The following PRKG1 variants were observed in gnomAD, a reference collection of about 807,000 sequenced individuals.
The protein encoded by PRKG1 is protein kinase cGMP-dependent 1, also known as cGMP-dependent protein kinase 1.
Under a neutral mutation model 88.1 loss-of-function variants are expected in PRKG1, and 35 were observed. The observed-to-expected ratio is 0.40, with a 90% CI of 0.30 to 0.53. The LOEUF (loss-of-function observed/expected upper bound fraction) is 0.53. Ranked by LOEUF, PRKG1 falls within the 20% of genes least tolerant of loss-of-function variation. PRKG1 has a pLI of 0.59. For synonymous variants in PRKG1, 303 were observed against 292.5 expected (o/e 1.04, Z -0.37); for missense variants, 540 against 839.8 (o/e 0.64, Z 4.41).
intron 3 of PRKG1, among the ~76,000 whole-genome samples, chr10:51,566,945 A>C (rs1837621992): frequency 6.6e-6 from 1 of 151,806 alleles, no homozygotes; most frequent in African/African-American, 2.4e-5. Context: ...AAAGAGAGAG[A>C]GAGAAAGAAA....
chr10:52,139,695 C>T (rs1837523648), intron 8 of PRKG1, among the ~76,000 whole-genome samples: 1 of 152,116 alleles, frequency 6.6e-6, no homozygotes, highest in East Asian at 1.9e-4. Flanking sequence ...TTCTGATAAG[C>T]AACTTGGGAT....
intron 17 of PRKG1, among the ~76,000 whole-genome samples, chr10:52,293,185 C>T (rs530738270): frequency 1.3e-5 from 2 of 150,670 alleles, no homozygotes; most frequent in Admixed American, 6.6e-5. Context: ...AATAAAATAC[C>T]TAGGAATCCA....
chr10:50,995,053 C>T (rs565813741), intron 1 of PRKG1, among the ~76,000 whole-genome samples: 31 of 152,132 alleles, frequency 2.0e-4, no homozygotes, highest in Middle Eastern at 3.4e-3. Context: ...TGGAACCAAT[C>T]GCCCATGGAT....
intron 4 of PRKG1, among the ~76,000 whole-genome samples, chr10:51,835,518 T>C (rs574850855): frequency 6.6e-6 from 1 of 152,350 alleles, no homozygotes; most frequent in African/African-American, 2.4e-5. Context: ...ACACAACAAA[T>C]GTTTGCTGAA....
intron 5 of PRKG1, among the ~76,000 whole-genome samples, chr10:52,031,653 C>T (rs1358720546): frequency 6.6e-6 from 1 of 152,076 alleles, no homozygotes; most frequent in African/African-American, 2.4e-5. Context: ...TTTGGTTATG[C>T]GTTCTAAGCA....
intron 4 of PRKG1, among the ~76,000 whole-genome samples, chr10:51,842,295 G>A (rs1033133637): frequency 6.6e-6 from 1 of 152,218 alleles, no homozygotes; most frequent in Non-Finnish European, 1.5e-5. Context: ...AGGTAAAACA[G>A]TATGATACTA....
At chr10:51,596,237 A>G (rs10762239) in intron 3 of PRKG1, among the ~76,000 whole-genome samples, 44,776 of 152,162 alleles carry the variant, frequency 0.29, 8,275 homozygotes, top group East Asian at 0.87. Flanking sequence ...TACAAAGCAC[A>G]TCTGACATGA....
At chr10:51,153,041 A>G (rs1048792286) in intron 1 of PRKG1, 123 bp from the exon 2 acceptor site, 1 of 544,840 alleles carries the variant, frequency 1.8e-6, no homozygotes. Context: ...CCAGAAAATT[A>G]TTGGATTCCT....
At chr10:51,139,965 ACT>A (rs1299007111) in intron 1 of PRKG1, among the ~76,000 whole-genome samples, 1 of 152,016 alleles carries the variant, frequency 6.6e-6, no homozygotes, top group Non-Finnish European at 1.5e-5. Flanking sequence ...TCTAAAACAG[ACT>A]CTGCTTATGT....
intron 5 of PRKG1, among the ~76,000 whole-genome samples, chr10:51,941,005 G>A (rs1352730872): frequency 6.6e-6 from 1 of 151,870 alleles, no homozygotes; most frequent in African/African-American, 2.4e-5. Flanking sequence ...AATTCCATCT[G>A]TTCCCCTCTC....
intron 3 of PRKG1, chr10:51,698,745 G>GT (rs1189036339): frequency 6.2e-7 from 1 of 1,614,088 alleles, no homozygotes; most frequent in Admixed American, 1.7e-5. Context: ...ACTGCAGCTG[G>GT]TATTGGCCCT....
At chr10:51,709,935 CTT>C (rs1841702077) in intron 3 of PRKG1, among the ~76,000 whole-genome samples, 1 of 128,670 alleles carries the variant, frequency 7.8e-6, no homozygotes, top group African/African-American at 2.8e-5. Flanking sequence ...TTTGACAATG[CTT>C]TAGGATACTA....
chr10:52,204,649 C>T (rs1013159752), intron 9 of PRKG1, among the ~76,000 whole-genome samples: 2 of 152,138 alleles, frequency 1.3e-5, no homozygotes, highest in Admixed American at 6.5e-5. Flanking sequence ...TTTCCTATGC[C>T]GGTCTTTACT....
At chr10:51,965,454 A>G (rs1011743609) in intron 5 of PRKG1, among the ~76,000 whole-genome samples, 1 of 152,160 alleles carries the variant, frequency 6.6e-6, no homozygotes, top group Non-Finnish European at 1.5e-5. Flanking sequence ...TGTAAGATTT[A>G]ATTTTGAAAA....
chr10:51,628,317 C>T (rs1327705726), intron 3 of PRKG1, among the ~76,000 whole-genome samples: 1 of 151,314 alleles, frequency 6.6e-6, no homozygotes, highest in Non-Finnish European at 1.5e-5. Flanking sequence ...TGTGTGCCAC[C>T]ACAGCCAGCT....
At chr10:52,005,569 G>A (rs146558573) in intron 5 of PRKG1, among the ~76,000 whole-genome samples, 558 of 152,180 alleles carry the variant, frequency 3.7e-3, no homozygotes, top group Non-Finnish European at 5.0e-3. Flanking sequence ...GGCACAGCTC[G>A]CTGTTGTCCC....
chr10:51,491,408 T>C (rs984650224), intron 3 of PRKG1, among the ~76,000 whole-genome samples: 4 of 152,146 alleles, frequency 2.6e-5, no homozygotes, highest in African/African-American at 9.7e-5. Flanking sequence ...GAATAAATGT[T>C]GTTATTAATA....
At chr10:51,605,525 G>A (rs548322763) in intron 3 of PRKG1, among the ~76,000 whole-genome samples, 1 of 152,250 alleles carries the variant, frequency 6.6e-6, no homozygotes, top group East Asian at 1.9e-4. Context: ...CTGAATAGGA[G>A]GCAGAGAAAC....
At chr10:51,752,393 T>A (rs1837750072) in intron 3 of PRKG1, among the ~76,000 whole-genome samples, 1 of 152,216 alleles carries the variant, frequency 6.6e-6, no homozygotes, top group African/African-American at 2.4e-5. Context: ...TCTCCAAATA[T>A]TAGAGATAGC....
Sources: gnomAD v4.1 joint callset for allele counts (sites outside exome capture counted in the v4.1 genomes callset) on GRCh38, gnomAD v4.1.1 for gene constraint, MANE v1.5 for transcripts, NCBI Gene and HGNC (gene_info 2026-07-23, HGNC 2026-07-21) for gene names.